Variants in PRELID2 observed in about 807,000 individuals in gnomAD.
The protein encoded by PRELID2 is PRELI domain-containing protein 2.
PRELID2 carries 25 observed loss-of-function variants against 28.4 expected under a neutral mutation model. The ratio of observed to expected loss-of-function variants is 0.88; its 90% CI spans 0.64 to 1.23. The LOEUF (loss-of-function observed/expected upper bound fraction) is 1.23. PRELID2 is among the 50% of genes most tolerant of loss of function. The pLI is 0.00. For missense variants in PRELID2, 201 were observed against 214.4 expected (o/e 0.94, Z 0.39); for synonymous variants, 76 against 71.6 (o/e 1.06, Z -0.31).
intron 1 of PRELID2, among the ~76,000 whole-genome samples, chr5:145,623,405 G>T (rs1310859620): frequency 6.6e-6 from 1 of 151,460 alleles, no homozygotes; most frequent in African/African-American, 2.4e-5. Flanking sequence ...CCAAGATCAT[G>T]CCACTGCACT....
chr5:145,814,410 C>T (rs1754158275), intron 4 of PRELID2, among the ~76,000 whole-genome samples: 1 of 152,152 alleles, frequency 6.6e-6, no homozygotes, highest in South Asian at 2.1e-4. Context: ...AACATCTATG[C>T]CCTATGTGAA....
chr5:145,571,145 TC>T (rs1339378008), intron 1 of PRELID2, among the ~76,000 whole-genome samples: 1 of 152,238 alleles, frequency 6.6e-6, no homozygotes, highest in Non-Finnish European at 1.5e-5. Flanking sequence ...TCAGCTTAAT[TC>T]CCCAGGTTCA....
intron 1 of PRELID2, among the ~76,000 whole-genome samples, chr5:145,690,094 A>T (rs568984221): frequency 8.5e-4 from 129 of 151,394 alleles, no homozygotes; most frequent in South Asian, 1.9e-3. Flanking sequence ...AGCTCAAGCA[A>T]TTTTAGTGCC....
chr5:145,290,492 T>C, the PRELID2 span, among the ~76,000 whole-genome samples: 22 of 151,408 alleles, frequency 1.5e-4, no homozygotes, highest in African/African-American at 5.1e-4. Flanking sequence ...GAGCAAACTA[T>C]CGCAAGGACA....
intron 4 of PRELID2, among the ~76,000 whole-genome samples, chr5:145,817,418 G>GTTTTATATATATATAT (rs1308159810): frequency 9.8e-4 from 31 of 31,668 alleles, no homozygotes; most frequent in Admixed American, 7.7e-3. Flanking sequence ...GAATAAGCTA[G>GTTTTATATATATATAT]TTTTATATAT....
intron 3 of PRELID2, chr5:145,819,546 T>C (rs762773241): frequency 1.2e-5 from 7 of 604,286 alleles, no homozygotes; most frequent in African/African-American, 1.9e-5. Flanking sequence ...TTATCTCTGA[T>C]AGTGAATTAG....
At chr5:145,251,870 G>C in the PRELID2 span, among the ~76,000 whole-genome samples, 2 of 152,082 alleles carry the variant, frequency 1.3e-5, no homozygotes, top group African/African-American at 4.8e-5. Flanking sequence ...GCTCTCAGTG[G>C]ATCTCTATTG....
chr5:145,554,525 C>A (rs1027462722), intron 1 of PRELID2, among the ~76,000 whole-genome samples: 1 of 152,146 alleles, frequency 6.6e-6, no homozygotes, highest in Non-Finnish European at 1.5e-5. Flanking sequence ...AGGACCTGGA[C>A]CAGGTTGAAG....
Position 145,682,251 on chromosome 5 carries a change from A to G in PRELID2, n.70+82680T>C, listed in dbSNP as rs371878337. Among the ~76,000 whole-genome samples, 13 of 152,332 alleles carry G rather than the reference A, an allele frequency of 8.5e-5. 1 individual carries two copies. Among genetic ancestry groups the G allele is most frequent in the East Asian group, 1.9e-4 (1 of 5,190 alleles). ...GTCTTTAAAAAATTCAGTCCTTGGG[A>G]AGTAGATAGAATTTTTCTATTAGTT... On this transcript the variant is annotated intron_variant and non_coding_transcript_variant, in intron 1 of 2. Transcript: ENST00000510259.
At chr5:145,789,771 C>A (rs1341537720) in intron 5 of PRELID2, among the ~76,000 whole-genome samples, 1 of 151,970 alleles carries the variant, frequency 6.6e-6, no homozygotes, top group African/African-American at 2.4e-5. Flanking sequence ...CCAAAATATA[C>A]AAGGGATTCA....
chr5:145,299,524 G>A, the PRELID2 span, among the ~76,000 whole-genome samples: 3 of 151,814 alleles, frequency 2.0e-5, no homozygotes, highest in Non-Finnish European at 4.4e-5. Context: ...TTATTGTATT[G>A]TTTAACATGT....
chr5:145,545,799 T>C (rs912713430), intron 1 of PRELID2, among the ~76,000 whole-genome samples: 1 of 152,214 alleles, frequency 6.6e-6, no homozygotes, highest in East Asian at 1.9e-4. Flanking sequence ...GATGATTGAT[T>C]ATTTGCATGG....
intron 6 of PRELID2, among the ~76,000 whole-genome samples, chr5:145,764,145 C>T (rs1486687066): frequency 6.6e-6 from 1 of 152,014 alleles, no homozygotes; most frequent in East Asian, 1.9e-4. Context: ...AAGATGTAAA[C>T]CTATCATACT....
intron 1 of PRELID2, among the ~76,000 whole-genome samples, chr5:145,654,635 CA>C (rs1161384168): frequency 1.3e-5 from 2 of 152,136 alleles, no homozygotes; most frequent in Non-Finnish European, 2.9e-5. Context: ...TAAGCAGAAA[CA>C]AAGACAAAAA....
the PRELID2 span, among the ~76,000 whole-genome samples, chr5:145,430,257 C>A: frequency 6.6e-6 from 1 of 152,296 alleles, no homozygotes; most frequent in East Asian, 1.9e-4. Flanking sequence ...TCCTCTGACA[C>A]CCTACAGCAT....
chr5:145,349,150 T>C, the PRELID2 span, among the ~76,000 whole-genome samples: 2 of 152,134 alleles, frequency 1.3e-5, no homozygotes, highest in East Asian at 1.9e-4. Flanking sequence ...ACTTGAGTGC[T>C]TGCAAAAATA....
intron 4 of PRELID2, among the ~76,000 whole-genome samples, chr5:145,814,220 G>C (rs1754144423): frequency 6.6e-6 from 1 of 152,158 alleles, no homozygotes; most frequent in South Asian, 2.1e-4. Context: ...TATCACAGAT[G>C]AAAGTTTAGT....
At chr5:145,634,628 C>CATCT (rs1753976393) in intron 1 of PRELID2, among the ~76,000 whole-genome samples, 1 of 152,140 alleles carries the variant, frequency 6.6e-6, no homozygotes, top group Non-Finnish European at 1.5e-5. Flanking sequence ...TGGGCTAGGA[C>CATCT]ATCTAACAAG....
At chr5:145,429,164 G>C in the PRELID2 span, among the ~76,000 whole-genome samples, 1 of 152,202 alleles carries the variant, frequency 6.6e-6, no homozygotes, top group Non-Finnish European at 1.5e-5. Context: ...AGCAAGGATA[G>C]AGATGGGATA....
Sources: gnomAD v4.1 joint callset for allele counts (sites outside exome capture counted in the v4.1 genomes callset) on GRCh38, gnomAD v4.1.1 for gene constraint, MANE v1.5 for transcripts, NCBI Gene and HGNC (gene_info 2026-07-23, HGNC 2026-07-21) for gene names.